CHRM5: variants seen among roughly 807,000 people sequenced by gnomAD.
CHRM5 encodes the protein muscarinic acetylcholine receptor M5.
In CHRM5, 18 loss-of-function variants were observed where a neutral mutation model predicts 39.0. That is an observed-to-expected ratio of 0.46 (90% CI 0.32 to 0.68). The LOEUF is 0.68. Ranked by LOEUF, CHRM5 falls within the 30% of genes least tolerant of loss-of-function variation. CHRM5 has a pLI of 0.04. For synonymous variants in CHRM5, 241 were observed against 246.3 expected (o/e 0.98, Z 0.20); for missense variants, 515 against 651.1 (o/e 0.79, Z 2.28).
intron 1 of CHRM5, among the ~76,000 whole-genome samples, chr15:34,032,515 T>C (rs1898903217): frequency 6.6e-6 from 1 of 152,154 alleles, no homozygotes; most frequent in Admixed American, 6.6e-5. Flanking sequence ...AAATGATGGA[T>C]AGCCAGAAAA....
At chr15:34,011,612 G>T (rs1008262923) in intron 1 of CHRM5, among the ~76,000 whole-genome samples, 1 of 152,148 alleles carries the variant, frequency 6.6e-6, no homozygotes, top group African/African-American at 2.4e-5. Flanking sequence ...TATGGAAAAA[G>T]CAGAGGGGAA....
At chr15:34,036,033 T>A (rs1899105529) in intron 1 of CHRM5, among the ~76,000 whole-genome samples, 1 of 152,014 alleles carries the variant, frequency 6.6e-6, no homozygotes, top group East Asian at 1.9e-4. Flanking sequence ...CAGACTCAAG[T>A]GACCCACCCA....
chr15:34,010,288 A>C (rs1289410667), intron 1 of CHRM5, among the ~76,000 whole-genome samples: 1 of 152,190 alleles, frequency 6.6e-6, no homozygotes, highest in African/African-American at 2.4e-5. Flanking sequence ...TATTTGGACA[A>C]CCTTATTCAT....
intron 1 of CHRM5, among the ~76,000 whole-genome samples, chr15:34,009,129 T>A (rs1416364596): frequency 2.0e-5 from 3 of 151,114 alleles, no homozygotes; most frequent in Non-Finnish European, 4.4e-5. Context: ...GGAAAAAAAA[T>A]AAACTGTCAG....
chr15:34,063,644 A>G lies in CHRM5; in HGVS notation c.927A>G (p.Ser309=), dbSNP rs369828092. Residue 309 remains serine, a synonymous_variant, in exon 3 of 3, where the codon TCA becomes TCG. Coordinates refer to ENST00000383263, the MANE Select transcript of CHRM5 (RefSeq NM_012125.4). The surrounding 1 kb of genome is among the most constrained non-coding windows in gnomAD (Gnocchi z 4.1). ...QLTTCSSYPS[S]EDEDKPATDP... is the part of the protein sequence containing the mutation. The stretch of plus-strand genomic sequence containing the variant: ...CCACCTGTAGCAGCTACCCTTCCTC[A>G]GAGGATGAGGACAAGCCCGCCACTG... The G allele has an allele frequency of 1.2e-6, 2 of 1,613,988 alleles. No individual in the cohort carries two copies. The highest frequency in any genetic ancestry group is 2.7e-5 in the African/African-American group (2 of 74,914).
rs769263866 is a variant in CHRM5, at chr15:34,063,460, C to G, written c.743C>G (p.Ala248Gly). 11 of 1,613,760 alleles carry G rather than the reference C, an allele frequency of 6.8e-6. 1 individual carries two copies. The South Asian group carries it at 1.2e-4, about 18-fold the overall frequency. ...GAGAAGAGAAAGCCAGCTCATAGGG[C>G]TCTGTTCAGATCCTGCTTGCGCTGT... ...KAEKRKPAHR[A>G]LFRSCLRCPR... Residue 248 changes from alanine to glycine, a missense_variant, in exon 3 of 3, where the codon GCT becomes GGT. Ala to Gly is a moderately conservative substitution (Grantham distance 60, BLOSUM62 0). Coordinates refer to ENST00000383263, the MANE Select transcript of CHRM5 (RefSeq NM_012125.4). The surrounding 1 kb of genome is among the most constrained non-coding windows in gnomAD (Gnocchi z 4.1).
At chr15:33,990,212 AC>A (rs1660265081) in intron 1 of CHRM5, among the ~76,000 whole-genome samples, 1 of 151,554 alleles carries the variant, frequency 6.6e-6, no homozygotes, top group Admixed American at 6.6e-5. Context: ...TCAAAAAAAA[AC>A]AAAACAAAAC....
chr15:34,051,329 T>A (rs2684951), intron 2 of CHRM5, among the ~76,000 whole-genome samples: 26,980 of 152,124 alleles, frequency 0.18, 3,166 homozygotes, highest in African/African-American at 0.33. Flanking sequence ...ATTTCTGGGA[T>A]GCAGCTAAAG....
chr15:33,985,812 A>AT (rs751320460), intron 1 of CHRM5, among the ~76,000 whole-genome samples: 9 of 152,136 alleles, frequency 5.9e-5, no homozygotes, highest in Non-Finnish European at 8.8e-5. Flanking sequence ...TTTAAGCTTC[A>AT]TTCTATTAAT....
chr15:34,017,730 T>G (rs940283577), intron 1 of CHRM5, among the ~76,000 whole-genome samples: 35 of 152,236 alleles, frequency 2.3e-4, no homozygotes, highest in African/African-American at 7.2e-4. Flanking sequence ...TCCACCCACC[T>G]CAGCCTCCCA....
rs536688466 is a variant in CHRM5 at position 34,039,331 on chromosome 15, A to G, written c.-407-7209A>G. On this transcript the variant is annotated intron_variant, in intron 1 of 2. Transcript: ENST00000383263. ...AGCGGGGCGGGGGGATTCTCAAGGCATCAGAGATAGGTTGGGGGAGAGACC... is the reference window on the plus strand; with the variant it reads ...AGCGGGGCGGGGGGATTCTCAAGGCGTCAGAGATAGGTTGGGGGAGAGACC... Among the ~76,000 whole-genome samples, 50 of 152,110 alleles carry G rather than the reference A, an allele frequency of 3.3e-4. No individual in the cohort carries two copies. The East Asian group carries it at 7.5e-3, about 23-fold the overall frequency.
intron 1 of CHRM5, among the ~76,000 whole-genome samples, chr15:34,041,656 G>C (rs1899480933): frequency 6.6e-6 from 1 of 152,146 alleles, no homozygotes; most frequent in Non-Finnish European, 1.5e-5. Context: ...TTGGTTTGTG[G>C]ATGATGCCAA....
intron 1 of CHRM5, among the ~76,000 whole-genome samples, chr15:34,010,520 T>C (rs1897592028): frequency 6.6e-6 from 1 of 152,160 alleles, no homozygotes; most frequent in African/African-American, 2.4e-5. Context: ...TACTTTCTTC[T>C]GGAGCAAAAA....
intron 1 of CHRM5, among the ~76,000 whole-genome samples, chr15:34,027,050 C>T (rs914748182): frequency 6.6e-6 from 1 of 152,194 alleles, no homozygotes; most frequent in Non-Finnish European, 1.5e-5. Flanking sequence ...CAAACCCACT[C>T]TACTACAAAA....
At chr15:34,024,474 A>C (rs1898354438) in intron 1 of CHRM5, among the ~76,000 whole-genome samples, 1 of 16,980 alleles carries the variant, frequency 5.9e-5, no homozygotes, top group East Asian at 5.9e-3. Context: ...CCCTGTCTCA[A>C]AAAAAAAAAA....
Position 34,064,038 on chromosome 15 carries a change from GC to G in CHRM5, c.1324del (p.Gln442ArgfsTer3). 2 of 1,614,140 alleles carry G rather than the reference GC, an allele frequency of 1.2e-6. No individual in the cohort carries two copies. Among genetic ancestry groups the G allele is most frequent in the Non-Finnish European group, 1.7e-6 (2 of 1,180,026 alleles). ...RVVLVKERKA[A>X]QTLSAILLAF... ...GGTCCTAGTCAAAGAGAGGAAAGCAGCCCAGACACTGAGTGCCATTCTCCTG... is the reference window on the plus strand; with the variant it reads ...GGTCCTAGTCAAAGAGAGGAAAGCAGCCAGACACTGAGTGCCATTCTCCTG... On this transcript the variant is annotated frameshift_variant, in exon 3 of 3. Transcript: ENST00000383263. LOFTEE classifies it high-confidence loss of function.
At chr15:34,038,655 G>A (rs1426899490) in intron 1 of CHRM5, 13 of 898,088 alleles carry the variant, frequency 1.4e-5, no homozygotes, top group Non-Finnish European at 1.6e-5. Flanking sequence ...GTCCCGCGCA[G>A]GCGCCGGCGC....
chr15:34,016,567 C>G (rs1490220375), intron 1 of CHRM5, among the ~76,000 whole-genome samples: 1 of 152,142 alleles, frequency 6.6e-6, no homozygotes, highest in African/African-American at 2.4e-5. Flanking sequence ...CAAAATGTAA[C>G]CTGAATCTTT....
intron 1 of CHRM5, among the ~76,000 whole-genome samples, chr15:34,041,287 C>T (rs1262929755): frequency 6.6e-6 from 1 of 152,146 alleles, no homozygotes; most frequent in Non-Finnish European, 1.5e-5. Context: ...ACCACTAGCA[C>T]AGATAGATTG....
Sources: allele counts gnomAD v4.1 joint callset (sites outside exome capture counted in the v4.1 genomes callset), GRCh38; gene constraint gnomAD v4.1.1; non-coding constraint Gnocchi (gnomAD v3.1); transcripts MANE v1.5; gene names NCBI Gene and HGNC (gene_info 2026-07-23, HGNC 2026-07-21).